Variants in FAM83F observed in about 807,000 individuals in gnomAD.
FAM83F encodes protein FAM83F.
Under a neutral mutation model 42.9 loss-of-function variants are expected in FAM83F, and 45 were observed. The ratio of observed to expected loss-of-function variants is 1.05; its 90% confidence interval spans 0.83 to 1.35. The LOEUF is 1.35. FAM83F is among the 40% of genes most tolerant of loss of function. The probability of loss-of-function intolerance (pLI) is 0.00; values close to 1 mark genes in which losing one functional copy is unlikely to be tolerated. For synonymous variants in FAM83F, 306 were observed against 298.3 expected (o/e 1.03, Z -0.27); for missense variants, 617 against 695.9 (o/e 0.89, Z 1.28).
At chr22:40,024,811 G>C (rs1346637731) in intron 4 of FAM83F, among the ~76,000 whole-genome samples, 1 of 152,200 alleles carries the variant, frequency 6.6e-6, no homozygotes, top group African/African-American at 2.4e-5. Context: ...AAAATTGCTT[G>C]ATAAGGAGTA....
At chr22:39,999,591 A>C (rs998659478) in intron 1 of FAM83F, among the ~76,000 whole-genome samples, 4 of 152,152 alleles carry the variant, frequency 2.6e-5, no homozygotes, top group African/African-American at 9.7e-5. Flanking sequence ...TCTGAGCTCC[A>C]AAAGGGTGAA....
At chr22:40,002,002 G>A (rs938217811) in intron 1 of FAM83F, among the ~76,000 whole-genome samples, 1 of 152,192 alleles carries the variant, frequency 6.6e-6, no homozygotes, top group Non-Finnish European at 1.5e-5. Flanking sequence ...TGGTGGTGGT[G>A]GGCCGTGGTT....
At position 40,019,168 on chromosome 22, in the gene FAM83F, G is replaced by T. The variant is rs773192873; in HGVS notation, c.490G>T (p.Val164Phe). Residue 164 changes from valine (V) to phenylalanine (F), a missense_variant and splice_region_variant, in exon 2 of 5, where the codon GTC becomes TTC. Transcript: ENST00000333407. ...CTCACCAGTGCCTTTCCCCACCCAG[G>T]TCATTGCTGTGGTCATGGACCTCTT... ...VRQMIQQAQK[V>F]IAVVMDLFTD... 5 of 1,613,828 alleles carry T rather than the reference G, an allele frequency of 3.1e-6. No individual in the cohort carries two copies. The Admixed American group carries it at 8.3e-5, about 27-fold the overall frequency.
chr22:40,022,214 G>A (rs2145721025), intron 4 of FAM83F, among the ~76,000 whole-genome samples: 1 of 152,336 alleles, frequency 6.6e-6, no homozygotes, highest in Middle Eastern at 3.4e-3. Flanking sequence ...AAAAGAGAAG[G>A]ATTCCAGGCT....
rs1347481856 is a variant in FAM83F at position 39,995,905 on chromosome 22, A to G, written c.489+374A>G. Among the ~76,000 whole-genome samples, 11 of 152,292 alleles carry G rather than the reference A, an allele frequency of 7.2e-5. No homozygotes were observed. The East Asian group carries it at 2.1e-3, about 29-fold the overall frequency. On this transcript the variant is annotated intron_variant, in intron 1 of 4. Transcript: ENST00000333407. The surrounding 1 kb of genome is among the most constrained non-coding windows in gnomAD (Gnocchi z 4.6). Reference sequence around the variant, plus strand: ...TGATAACCTACGTGCTGCCCAGAACATATCCCGAGCCGCTTTCTCATGTGA... The same window carrying G: ...TGATAACCTACGTGCTGCCCAGAACGTATCCCGAGCCGCTTTCTCATGTGA...
rs1353930722 is a variant in FAM83F at position 40,030,629 on chromosome 22, CTGAG to C, written c.*1065_*1068del. On this transcript the variant is annotated 3_prime_UTR_variant, in exon 5 of 5. Transcript: ENST00000333407. Reference sequence around the variant, plus strand: ...GCAGGTCAGCCTAATGGCCATGAGGCTGAGCTGGGAGGCCCAGTAAGCAATTCCA... The same window carrying C: ...GCAGGTCAGCCTAATGGCCATGAGGCCTGGGAGGCCCAGTAAGCAATTCCA... 8 of 152,260 alleles carry C rather than the reference CTGAG, an allele frequency of 5.3e-5. No individual in the cohort carries two copies. The highest frequency in any genetic ancestry group is 1.9e-4 in the African/African-American group (8 of 41,464). 9.4% of individuals were successfully genotyped at this position (152,260 alleles called of 1,614,324 possible).
chr22:40,042,174 T>C lies in FAM83F; in HGVS notation c.*12609T>C, dbSNP rs2067654400. The C allele has an allele frequency of 6.6e-6, 1 of 152,220 alleles. No homozygotes were observed. The highest frequency in any genetic ancestry group is 2.4e-5 in the African/African-American group (1 of 41,456). The allele number at this position is 152,220 out of a possible 1,614,324, so 9.4% of individuals were successfully genotyped here. ...AATGTGCCTGGCCTCAATGTTACTT[T>C]TATGATCAGAAAAACGGCCATCTTA... is the stretch of plus-strand genomic sequence containing the variant. On this transcript the variant is annotated 3_prime_UTR_variant, in exon 5 of 5. Transcript: ENST00000333407.
intron 1 of FAM83F, among the ~76,000 whole-genome samples, chr22:40,005,702 A>T (rs1601763353): frequency 6.6e-6 from 1 of 152,298 alleles, no homozygotes; most frequent in East Asian, 1.9e-4. Flanking sequence ...GGGAGACCTG[A>T]CCTGCAGGGT....
chr22:40,019,177 G>A lies in FAM83F; in HGVS notation c.499G>A (p.Val167Met), dbSNP rs766284388. 7.4e-6 allele frequency: 12 copies of A among 1,614,054 alleles called. No homozygotes were observed. In the East Asian group the frequency reaches 2.7e-4, roughly 36 times the overall value. The change falls in exon 2 of 5, where the codon GTG becomes ATG. Residue 167 changes from valine to methionine, a missense_variant. Val to Met is a conservative substitution (Grantham distance 21). Transcript: ENST00000333407. ...MIQQAQKVIA[V>M]VMDLFTDGDI... ...GCCTTTCCCCACCCAGGTCATTGCT[G>A]TGGTCATGGACCTCTTCACTGATGG... is the stretch of plus-strand genomic sequence containing the variant.
At chr22:40,024,286 C>T (rs974963476) in intron 4 of FAM83F, among the ~76,000 whole-genome samples, 2 of 152,178 alleles carry the variant, frequency 1.3e-5, no homozygotes, top group Non-Finnish European at 2.9e-5. Context: ...CACAAGCCAC[C>T]GCGCCTGGCC....
rs1282958218 is a variant in FAM83F at position 40,021,500 on chromosome 22, G to A, written c.990G>A (p.Val330=). ...RKLINPKYAL[V]SGCRHPPGEM... ...TTATCAACCCCAAGTACGCCTTGGT[G>A]TCAGGCTGCCGCCACCCGCCTGGGG... is the stretch of plus-strand genomic sequence containing the variant. The change falls in exon 4 of 5, where the codon GTG becomes GTA. Residue 330 remains valine, a synonymous_variant. Transcript: ENST00000333407. This position sits in a 1 kb window ranked among gnomAD's most constrained non-coding sequence, Gnocchi z 8.7. 7 of 1,584,360 alleles carry A rather than the reference G, an allele frequency of 4.4e-6. No individual in the cohort carries two copies. The highest frequency in any genetic ancestry group is 3.4e-6 in the Non-Finnish European group (4 of 1,159,934).
At position 39,995,301 on chromosome 22, in the gene FAM83F, A is replaced by G; in HGVS notation, c.259A>G (p.Ser87Gly). ...CCCCGCCGCCAACGCCCGGGGCAAG[A>G]GCAAGGCCAAGGCCAAGGCCCCCGC... is the stretch of plus-strand genomic sequence containing the variant. ...AVPAANARGKSKAKAKAPAPA... is the reference protein window; with the variant it reads ...AVPAANARGKGKAKAKAPAPA... The change falls in exon 1 of 5, where the codon AGC becomes GGC. Residue 87 changes from serine (S) to glycine (G), a missense_variant. Physicochemically the swap from Ser to Gly is moderately conservative, Grantham distance 56 (BLOSUM62 0). Coordinates refer to ENST00000333407, the MANE Select transcript of FAM83F (RefSeq NM_138435.4). The surrounding 1 kb of genome is among the most constrained non-coding windows in gnomAD (Gnocchi z 4.6). 1 of 1,537,066 alleles carries G rather than the reference A, an allele frequency of 6.5e-7. No homozygotes were observed. Among genetic ancestry groups the G allele is most frequent in the Non-Finnish European group, 8.7e-7 (1 of 1,145,656 alleles).
intron 4 of FAM83F, 57 bp downstream of exon 4, chr22:40,022,020 A>C: frequency 1.4e-6 from 2 of 1,416,026 alleles, no homozygotes; most frequent in Non-Finnish European, 1.9e-6. Flanking sequence ...CTCGCCCCGC[A>C]TCGGCTCTTA....
At chr22:40,017,513 G>A (rs146619495) in intron 1 of FAM83F, among the ~76,000 whole-genome samples, 19 of 152,318 alleles carry the variant, frequency 1.2e-4, no homozygotes, top group African/African-American at 2.9e-4. Flanking sequence ...GATTACAGGC[G>A]TGAGACACCA....
rs372826082 is a variant in FAM83F at position 40,007,895 on chromosome 22, T to C, written c.490-11273T>C. Among the ~76,000 whole-genome samples the C allele has an allele frequency of 5.3e-5, 8 of 152,346 alleles. No individual in the cohort carries two copies. The East Asian group carries it at 1.4e-3, about 26-fold the overall frequency. On this transcript the variant is annotated intron_variant, in intron 1 of 4. Transcript: ENST00000333407. ...GTACCCAGAGTACTTAACGACACCC[T>C]CTCCTGGATGCATCGTCTCCACAGA...
Position 40,030,939 on chromosome 22 carries a change from G to A in FAM83F, c.*1374G>A, listed in dbSNP as rs1256052073. ...GGCAGCTGATGTGAGAGCAAGAAAAGGGGCTGCTCTGGCTGGGCTGTGGGA... is the reference window on the plus strand; with the variant it reads ...GGCAGCTGATGTGAGAGCAAGAAAAAGGGCTGCTCTGGCTGGGCTGTGGGA... On this transcript the variant is annotated 3_prime_UTR_variant, in exon 5 of 5. Transcript: ENST00000333407. 1 of 152,352 alleles carries A rather than the reference G, an allele frequency of 6.6e-6. No individual in the cohort carries two copies. The highest frequency in any genetic ancestry group is 1.5e-5 in the Non-Finnish European group (1 of 68,112). 9.4% of individuals were successfully genotyped at this position (152,352 alleles called of 1,614,324 possible).
rs1479726925 is a variant in FAM83F, at chr22:39,995,017, A to C, written c.-26A>C. The C allele has an allele frequency of 1.6e-6, 2 of 1,249,062 alleles. No homozygotes were observed. The highest frequency in any genetic ancestry group is 2.0e-6 in the Non-Finnish European group (2 of 998,500). The allele number at this position is 1,249,062 out of a possible 1,614,324, so 77.4% of individuals were successfully genotyped here. On this transcript the variant is annotated 5_prime_UTR_variant, in exon 1 of 5. Coordinates refer to ENST00000333407, the MANE Select transcript of FAM83F (RefSeq NM_138435.4). This position sits in a 1 kb window ranked among gnomAD's most constrained non-coding sequence, Gnocchi z 4.6. ...CTCGGACCGCGGCGGGGCCGGGGCC[A>C]GGGCCGGGGCCGGGGCCGGGGCGCC...
In FAM83F at chr22:39,995,663, C is replaced by T; in HGVS notation, c.489+132C>T. On this transcript the variant is annotated intron_variant, in intron 1 of 4. Coordinates refer to ENST00000333407, the MANE Select transcript of FAM83F (RefSeq NM_138435.4). This position sits in a 1 kb window ranked among gnomAD's most constrained non-coding sequence, Gnocchi z 4.6. ...CTGGAAAATGGGCCCCAACCCGCCCCTACTTCCTGGGGCTGCAGTGAGGCC... is the reference window on the plus strand; with the variant it reads ...CTGGAAAATGGGCCCCAACCCGCCCTTACTTCCTGGGGCTGCAGTGAGGCC... 2 of 1,390,178 alleles carry T rather than the reference C, an allele frequency of 1.4e-6. No homozygotes were observed. The highest frequency in any genetic ancestry group is 1.9e-6 in the Non-Finnish European group (2 of 1,058,168). 86.1% of individuals were successfully genotyped at this position (1,390,178 alleles called of 1,614,324 possible).
At position 40,030,601 on chromosome 22, in the gene FAM83F, A is replaced by G. The variant is rs2067580929; in HGVS notation, c.*1036A>G. On this transcript the variant is annotated 3_prime_UTR_variant, in exon 5 of 5. Transcript: ENST00000333407. ...CATTTTTAGGAGCCTGTGCCTCGCC[A>G]GAGCAGGTCAGCCTAATGGCCATGA... 1 of 152,216 alleles carries G rather than the reference A, an allele frequency of 6.6e-6. No homozygotes were observed. Among genetic ancestry groups the G allele is most frequent in the African/African-American group, 2.4e-5 (1 of 41,464 alleles). 9.4% of individuals were successfully genotyped at this position (152,216 alleles called of 1,614,324 possible).
Sources: allele counts gnomAD v4.1 joint callset (sites outside exome capture counted in the v4.1 genomes callset), GRCh38; gene constraint gnomAD v4.1.1; non-coding constraint Gnocchi (gnomAD v3.1); transcripts MANE v1.5; gene names NCBI Gene and HGNC (gene_info 2026-07-23, HGNC 2026-07-21).